CABIN1: variants seen among roughly 807,000 people sequenced by gnomAD.
The protein encoded by CABIN1 is calcineurin-binding protein cabin-1.
Under a neutral mutation model 227.7 loss-of-function variants are expected in CABIN1, and 133 were observed. That is an observed-to-expected ratio of 0.58 (90% CI 0.51 to 0.67). CABIN1 has a LOEUF of 0.67. Ranked by LOEUF, CABIN1 falls within the 30% of genes least tolerant of loss-of-function variation. The pLI is 0.00. For missense variants in CABIN1, 2,408 were observed against 2,852.5 expected, an observed-to-expected ratio of 0.84 and a Z score of 3.55; for synonymous variants, 1,086 against 1,155.1, an observed-to-expected ratio of 0.94 and a Z score of 1.21.
Position 24,091,611 on chromosome 22 carries a change from A to C in CABIN1, c.3554A>C (p.Glu1185Ala). The C allele has an allele frequency of 6.2e-7, 1 of 1,614,234 alleles. No individual in the cohort carries two copies. Among genetic ancestry groups the C allele is most frequent in the Non-Finnish European group, 8.5e-7 (1 of 1,180,054 alleles). ...QMEGRRDSML[E>A]TAKHCFTSAA... ...GAGGGCCGGCGCGACAGCATGCTAG[A>C]GACAGCCAAGCACTGTTTCACATCA... The change falls in exon 24 of 37, where the codon GAG (glutamate) becomes GCG (alanine). Residue 1185 changes from glutamate (E) to alanine (A), a missense_variant. Transcript: ENST00000263119.
chr22:24,128,083 AC>A (rs2043844474), intron 28 of CABIN1, among the ~76,000 whole-genome samples: 1 of 151,788 alleles, frequency 6.6e-6, no homozygotes, highest in South Asian at 2.1e-4. Context: ...ACAGACCCCC[AC>A]CCCCATTGAG....
rs372231947 is a variant in CABIN1 at position 24,153,770 on chromosome 22, C to T, written c.4747-10630C>T. Among the ~76,000 whole-genome samples the T allele has an allele frequency of 6.0e-4, 91 of 152,212 alleles. 1 individual carries two copies. In the South Asian group the frequency reaches 0.018, roughly 30 times the overall value. On this transcript the variant is annotated intron_variant, in intron 29 of 36. Transcript: ENST00000263119. ...AAGGAAGCTGGAACCCACAAGGCCT[C>T]GGAGCCCAGCTGGGAGCAACATTCT...
intron 6 of CABIN1, among the ~76,000 whole-genome samples, chr22:24,046,463 C>T (rs2037889895): frequency 1.3e-5 from 2 of 152,122 alleles, no homozygotes; most frequent in Admixed American, 1.3e-4. Flanking sequence ...GGCTTTGAGT[C>T]TCTTCTTGGG....
chr22:24,024,170 C>T (rs1290867076), intron 1 of CABIN1, among the ~76,000 whole-genome samples: 1 of 151,490 alleles, frequency 6.6e-6, no homozygotes, highest in Non-Finnish European at 1.5e-5. Flanking sequence ...TGTCTTTTCA[C>T]TTTTTGATAG....
At chr22:24,174,087 C>T (rs145037773) in intron 34 of CABIN1, among the ~76,000 whole-genome samples, 1,922 of 151,560 alleles carry the variant, frequency 0.013, 32 homozygotes, top group African/African-American at 0.044. Flanking sequence ...TCAGGTGATC[C>T]GCCTGCCTCA....
intron 1 of CABIN1, among the ~76,000 whole-genome samples, chr22:24,027,419 A>G (rs185034552): frequency 2.5e-4 from 38 of 152,354 alleles, no homozygotes; most frequent in African/African-American, 8.4e-4. Flanking sequence ...GTGGAATAGG[A>G]CAGATGACAG....
chr22:24,159,387 G>A (rs2046021210), intron 29 of CABIN1, among the ~76,000 whole-genome samples: 1 of 152,280 alleles, frequency 6.6e-6, no homozygotes, highest in Non-Finnish European at 1.5e-5. Flanking sequence ...ACTCAGGCTA[G>A]TTTGGATTGG....
intron 19 of CABIN1, among the ~76,000 whole-genome samples, chr22:24,080,230 G>A (rs532413976): frequency 1.3e-5 from 2 of 152,226 alleles, no homozygotes; most frequent in African/African-American, 2.4e-5. Context: ...CTTACATGTT[G>A]GCTCTGTTCT....
In CABIN1 at chr22:24,094,768, G is replaced by T. The variant is rs1336273907; in HGVS notation, c.3787-1163G>T. Among the ~76,000 whole-genome samples the T allele has an allele frequency of 2.9e-4, 41 of 143,286 alleles. No individual in the cohort carries two copies. In the Admixed American group the frequency reaches 2.9e-3, roughly 10 times the overall value. 94.0% of individuals were successfully genotyped at this position (143,286 alleles called of 152,430 possible). A position where few individuals can be genotyped will look rare whatever the true frequency, so the allele number is the denominator to read the frequency against. ...GGAAGCGGAGCTTGCAGTGAGCCGA[G>T]ATTGCGCCACTGCAGTCCGCAGTCC... On this transcript the variant is annotated intron_variant, in intron 24 of 36. Coordinates refer to ENST00000263119, the MANE Select transcript of CABIN1 (RefSeq NM_012295.4).
intron 25 of CABIN1, 80 bp from the exon 26 acceptor site, chr22:24,097,934 G>T (rs2041989358): frequency 6.4e-7 from 1 of 1,572,838 alleles, no homozygotes; most frequent in South Asian, 1.1e-5. Context: ...CCTGGGAAGG[G>T]CATTCACCCT....
chr22:24,035,573 T>C (rs2146948382), intron 2 of CABIN1, 53 bp downstream of exon 2: 1 of 1,610,212 alleles, frequency 6.2e-7, no homozygotes, highest in East Asian at 2.2e-5. Flanking sequence ...TTTGTTACGT[T>C]ACTCCTGGGG....
chr22:24,056,870 A>C (rs1192802937), intron 10 of CABIN1, among the ~76,000 whole-genome samples: 1 of 151,876 alleles, frequency 6.6e-6, no homozygotes, highest in Non-Finnish European at 1.5e-5. Context: ...GACAAGCAGG[A>C]ACCAGGCTCC....
At chr22:24,013,352 A>G (rs1392288880) in intron 1 of CABIN1, among the ~76,000 whole-genome samples, 1 of 151,530 alleles carries the variant, frequency 6.6e-6, no homozygotes, top group Non-Finnish European at 1.5e-5. Context: ...GCCTCTCACC[A>G]TACCCTGCTA....
At chr22:24,081,878 T>A (rs1302447509) in intron 19 of CABIN1, among the ~76,000 whole-genome samples, 1 of 151,900 alleles carries the variant, frequency 6.6e-6, no homozygotes, top group Non-Finnish European at 1.5e-5. Context: ...AATAAAAAAA[T>A]TAGCTGGGCA....
At chr22:24,166,207 G>A (rs2046437546) in intron 31 of CABIN1, among the ~76,000 whole-genome samples, 1 of 152,218 alleles carries the variant, frequency 6.6e-6, no homozygotes, top group Admixed American at 6.5e-5. Context: ...CGTGCATTAA[G>A]GGCCAGGAAG....
At chr22:24,131,794 G>A (rs2044088102) in intron 28 of CABIN1, among the ~76,000 whole-genome samples, 1 of 152,278 alleles carries the variant, frequency 6.6e-6, no homozygotes. Context: ...GACCAGGCAC[G>A]GTGGCTCGCG....
At chr22:24,093,314 G>C (rs936866388) in intron 24 of CABIN1, among the ~76,000 whole-genome samples, 3 of 152,170 alleles carry the variant, frequency 2.0e-5, no homozygotes, top group Non-Finnish European at 4.4e-5. Context: ...ACTTTGGGAG[G>C]CCGAGGTGGG....
chr22:24,170,529 G>A (rs777500435), intron 33 of CABIN1, among the ~76,000 whole-genome samples: 17 of 152,136 alleles, frequency 1.1e-4, no homozygotes, highest in East Asian at 1.9e-4. Context: ...CCGCAGGCCC[G>A]CAGGGCCCGA....
At chr22:24,158,335 G>A (rs939256893) in intron 29 of CABIN1, among the ~76,000 whole-genome samples, 3 of 152,182 alleles carry the variant, frequency 2.0e-5, no homozygotes, top group African/African-American at 7.2e-5. Flanking sequence ...GTCCCCTCTG[G>A]GTGATCTATC....
Sources: gnomAD v4.1 joint callset for allele counts (sites outside exome capture counted in the v4.1 genomes callset) on GRCh38, gnomAD v4.1.1 for gene constraint, MANE v1.5 for transcripts, NCBI Gene and HGNC (gene_info 2026-07-23, HGNC 2026-07-21) for gene names.